POLG2: variants seen among roughly 807,000 people sequenced by gnomAD.
POLG2 encodes the protein DNA polymerase gamma 2, accessory subunit.
A neutral mutation model predicts 56.5 loss-of-function variants in POLG2; 50 were observed. The ratio of observed to expected loss-of-function variants is 0.88; its 90% CI spans 0.71 to 1.12. The LOEUF (loss-of-function observed/expected upper bound fraction) is 1.12. POLG2 is among the 50% of genes most tolerant of loss of function. POLG2 has a pLI of 0.00. For synonymous variants in POLG2, 226 were observed against 222.6 expected, an observed-to-expected ratio of 1.02 and a Z score of -0.14; for missense variants, 584 against 583.3, an observed-to-expected ratio of 1.00 and a Z score of -0.01.
At chr17:64,483,357 A>T (rs370786916) in intron 5 of POLG2, among the ~76,000 whole-genome samples, 11 of 151,206 alleles carry the variant, frequency 7.3e-5, no homozygotes, top group African/African-American at 2.5e-4. Flanking sequence ...CTACCAAAAA[A>T]ATACAAAAAA....
intron 1 of POLG2, among the ~76,000 whole-genome samples, chr17:64,495,542 A>G (rs1410722634): frequency 6.6e-6 from 1 of 152,162 alleles, no homozygotes; most frequent in Non-Finnish European, 1.5e-5. Context: ...ACACCACTGC[A>G]CTCGAGTCTG....
chr17:64,492,073 T>C (rs1191558157), intron 3 of POLG2, among the ~76,000 whole-genome samples: 1 of 152,200 alleles, frequency 6.6e-6, no homozygotes, highest in African/African-American at 2.4e-5. Context: ...TCCAGACTTT[T>C]ATGGCCAATG....
chr17:64,483,023 G>A (rs1483945203), intron 5 of POLG2, 24 bp from the exon 6 acceptor site: 21 of 1,211,514 alleles, frequency 1.7e-5, no homozygotes, highest in Non-Finnish European at 2.6e-5. Context: ...ATGGGGGAGG[G>A]AGAAGACAGG....
chr17:64,487,427 A>T (rs2037976927), intron 4 of POLG2: 1 of 152,204 alleles, frequency 6.6e-6, no homozygotes, highest in Non-Finnish European at 1.5e-5. Flanking sequence ...CAGCCTGGCC[A>T]ACATGGTAAA....
intron 4 of POLG2, among the ~76,000 whole-genome samples, chr17:64,487,980 A>G (rs1555667808): frequency 6.6e-6 from 1 of 152,196 alleles, no homozygotes; most frequent in Non-Finnish European, 1.5e-5. Flanking sequence ...TTCTATCCTA[A>G]CTGTTCTTCA....
intron 5 of POLG2, chr17:64,485,464 G>C: frequency 2.2e-6 from 1 of 449,722 alleles, no homozygotes; most frequent in Non-Finnish European, 4.1e-6. Flanking sequence ...AAGGTTCAGG[G>C]GCTAGGAGTC....
chr17:64,488,812 A>G (rs1357919087), intron 4 of POLG2, among the ~76,000 whole-genome samples: 1 of 152,138 alleles, frequency 6.6e-6, no homozygotes, highest in Non-Finnish European at 1.5e-5. Context: ...TACTAAAAAT[A>G]CAAAAATTAA....
intron 5 of POLG2, among the ~76,000 whole-genome samples, chr17:64,483,255 T>C (rs1432541399): frequency 6.6e-6 from 1 of 152,202 alleles, no homozygotes; most frequent in Non-Finnish European, 1.5e-5. Context: ...GGTACATGCC[T>C]ATAATTCCAG....
chr17:64,492,904 C>T lies in POLG2; in HGVS notation c.680G>A (p.Gly227Asp). 6.2e-7 allele frequency: 1 copy of T among 1,614,082 alleles called. No homozygotes were observed. The highest frequency in any genetic ancestry group is 8.5e-7 in the Non-Finnish European group (1 of 1,179,962). The change falls in exon 2 of 8, where the codon GGT becomes GAT. Residue 227 changes from glycine to aspartate, a missense_variant. Physicochemically the swap from Gly to Asp is moderately conservative, Grantham distance 94. Transcript: ENST00000539111. ...PVFDTKQIRN[G>D]VKSIGEKTEA... is the part of the protein sequence containing the mutation. ...TTGCCACTTTTTATACCTTTTAACACCATTTCGTATCTGCTTAGTGTCAAA... is the reference window on the plus strand; with the variant it reads ...TTGCCACTTTTTATACCTTTTAACATCATTTCGTATCTGCTTAGTGTCAAA...
chr17:64,484,667 T>G (rs1229329736), intron 5 of POLG2, among the ~76,000 whole-genome samples: 3 of 152,186 alleles, frequency 2.0e-5, no homozygotes, highest in African/African-American at 7.2e-5. Context: ...TGCTGATGGT[T>G]TGGAAGTGGA....
chr17:64,493,116 A>G, intron 1 of POLG2, 95 bp from the exon 2 acceptor site: 1 of 1,331,686 alleles, frequency 7.5e-7, no homozygotes. Flanking sequence ...TAACGTTAAC[A>G]CAGCATAAAG....
intron 1 of POLG2, among the ~76,000 whole-genome samples, chr17:64,494,596 T>C (rs1474173469): frequency 1.3e-5 from 2 of 152,152 alleles, no homozygotes; most frequent in African/African-American, 4.8e-5. Flanking sequence ...CCCCGACCTC[T>C]AGGGTCAATT....
At chr17:64,496,190 T>C (rs2038147467) in intron 1 of POLG2, among the ~76,000 whole-genome samples, 1 of 152,006 alleles carries the variant, frequency 6.6e-6, no homozygotes, top group South Asian at 2.1e-4. Flanking sequence ...CGTTCCCAGG[T>C]CCTTCGGACA....
rs1555668852 is a variant in POLG2 at position 64,492,989 on chromosome 17, G to T, written c.595C>A (p.Leu199Met). The T allele has an allele frequency of 6.2e-7, 1 of 1,614,042 alleles. No homozygotes were observed. Among genetic ancestry groups the T allele is most frequent in the Non-Finnish European group, 8.5e-7 (1 of 1,179,902 alleles). The change falls in exon 2 of 8, where the codon CTG becomes ATG. Residue 199 changes from leucine to methionine, a missense_variant. Leu to Met is a conservative substitution (Grantham distance 15). Transcript: ENST00000539111. ...ALEHYVNCLD[L>M]VNKRLPYGLA... ...CCATAAGGTAGCCTCTTGTTTACCA[G>T]ATCCAGGCAATTAACATAGTGTTCC...
At chr17:64,480,642 A>G (rs1181581559) in intron 6 of POLG2, among the ~76,000 whole-genome samples, 4 of 152,242 alleles carry the variant, frequency 2.6e-5, no homozygotes, top group African/African-American at 9.6e-5. Context: ...TGTATATCAA[A>G]TAAGAATTTT....
Position 64,496,451 on chromosome 17 carries a change from T to C in POLG2, c.518A>G (p.Asn173Ser). 6.3e-7 allele frequency: 1 copy of C among 1,593,906 alleles called. No individual in the cohort carries two copies. Among genetic ancestry groups the C allele is most frequent in the South Asian group, 1.1e-5 (1 of 90,544 alleles). ...TAGTTTCCCAGAAGTTTTTAATACG[T>C]TCTCAAGAAATGCTACTAGCTGTTC... ...SKEQLVAFLE[N>S]VLKTSGKLRE... is the part of the protein sequence containing the mutation. Residue 173 changes from asparagine to serine, a missense_variant, in exon 1 of 8, where the codon AAC becomes AGC. Transcript: ENST00000539111.
chr17:64,491,840 C>A, intron 3 of POLG2: 1 of 379,614 alleles, frequency 2.6e-6, no homozygotes, highest in Non-Finnish European at 4.9e-6. Context: ...GCAACCCCTC[C>A]ATAAGCAACA....
chr17:64,477,961 T>C lies in POLG2; in HGVS notation c.1320A>G (p.Thr440=). 1 of 1,613,900 alleles carries C rather than the reference T, an allele frequency of 6.2e-7. No homozygotes were observed. Among genetic ancestry groups the C allele is most frequent in the South Asian group, 1.1e-5 (1 of 91,072 alleles). Reference sequence around the variant, plus strand: ...CCAAAGTAGTTTCAGTAACCAAAACTGTGAAGAGAATACTCATTTCATCAT... The same window carrying C: ...CCAAAGTAGTTTCAGTAACCAAAACCGTGAAGAGAATACTCATTTCATCAT... The part of the protein sequence containing the change: ...SKYDEMSILF[T]VLVTETTLEN... The change falls in exon 8 of 8, where the codon ACA becomes ACG. Residue 440 remains threonine, a synonymous_variant. Transcript: ENST00000539111.
chr17:64,496,274 A>C, intron 1 of POLG2, 133 bp downstream of exon 1: 1 of 647,020 alleles, frequency 1.5e-6, no homozygotes, highest in Non-Finnish European at 2.8e-6. Context: ...ATATCCGACT[A>C]CTTCAAAAAG....
Sources: gnomAD v4.1 joint callset for allele counts (sites outside exome capture counted in the v4.1 genomes callset) on GRCh38, gnomAD v4.1.1 for gene constraint, MANE v1.5 for transcripts, NCBI Gene and HGNC (gene_info 2026-07-23, HGNC 2026-07-21) for gene names.